The following AKT3 variants were observed in gnomAD, a reference collection of about 807,000 sequenced individuals.
AKT3 encodes the protein AKT serine/threonine kinase 3.
In AKT3, 15 loss-of-function variants were observed where a neutral mutation model predicts 65.3. That is an observed-to-expected ratio of 0.23 (90% confidence interval 0.15 to 0.35). The LOEUF is 0.35. AKT3 is among the 10% of genes least tolerant of loss of function. AKT3 has a pLI of 1.00. For synonymous variants in AKT3, 206 were observed against 183.8 expected (o/e 1.12, Z -0.98); for missense variants, 243 against 576.5 (o/e 0.42, Z 5.92).
rs1157582039 is a variant in AKT3 at position 243,505,158 on chromosome 1, T to C, written c.*91A>G. The C allele has an allele frequency of 8.1e-7, 1 of 1,230,992 alleles. No individual in the cohort carries two copies. Among genetic ancestry groups the C allele is most frequent in the Middle Eastern group, 1.9e-4 (1 of 5,318 alleles). 76.3% of individuals were successfully genotyped at this position (1,230,992 alleles called of 1,614,324 possible). On this transcript the variant is annotated 3_prime_UTR_variant, in exon 14 of 14. Coordinates refer to ENST00000673466, the MANE Select transcript of AKT3 (RefSeq NM_005465.7). ...GGTCTGGGATGTCGGAAGGTGCCCC[T>C]GCTATGTGTAAGAGCTAGGACTGGT...
Position 243,645,969 on chromosome 1 carries a change from T to G in AKT3, c.353A>C (p.Asn118Thr). ...ATCAATTTGTGAAGTTGGACTACAATTCATTCTCTCCTCTTCTTGCCTCTG... is the reference window on the plus strand; with the variant it reads ...ATCAATTTGTGAAGTTGGACTACAAGTCATTCTCTCCTCTTCTTGCCTCTG... ...RLQRQEEERM[N>T]CSPTSQIDNI... The change falls in exon 5 of 14, where the codon AAT becomes ACT. Residue 118 changes from asparagine (N) to threonine (T), a missense_variant. Physicochemically the swap from Asn to Thr is moderately conservative, Grantham distance 65. Around this residue, in one of 6 missense-constraint regions of AKT3, gnomAD observed 72 missense variants for 86.0 expected, o/e 0.84. Coordinates refer to ENST00000673466, the MANE Select transcript of AKT3 (RefSeq NM_005465.7). 2 of 1,612,938 alleles carry G rather than the reference T, an allele frequency of 1.2e-6. No individual in the cohort carries two copies. Among genetic ancestry groups the G allele is most frequent in the Non-Finnish European group, 1.7e-6 (2 of 1,179,024 alleles).
At chr1:243,799,094 T>C (rs1232789361) in intron 2 of AKT3, among the ~76,000 whole-genome samples, 4 of 152,182 alleles carry the variant, frequency 2.6e-5, no homozygotes, top group Non-Finnish European at 5.9e-5. Context: ...AGGCACTAGA[T>C]CCTCATTTAT....
chr1:243,818,130 T>TG (rs1338314392), intron 2 of AKT3: 1 of 152,234 alleles, frequency 6.6e-6, no homozygotes, highest in Admixed American at 6.5e-5. Flanking sequence ...AGTCAACCCC[T>TG]GCTTAGTCTG....
intron 12 of AKT3, among the ~76,000 whole-genome samples, chr1:243,515,805 A>G (rs1020049210): frequency 2.0e-5 from 3 of 152,174 alleles, no homozygotes; most frequent in South Asian, 2.1e-4. Flanking sequence ...CCTGGCTAAC[A>G]TGGGAAACCC....
At chr1:243,611,591 G>C (rs530559682) in intron 8 of AKT3, among the ~76,000 whole-genome samples, 2 of 152,114 alleles carry the variant, frequency 1.3e-5, no homozygotes, top group Non-Finnish European at 2.9e-5. Flanking sequence ...GGCTGTGATG[G>C]GAGGATAGCT....
At chr1:243,850,816 G>C (rs550312919), upstream of AKT3, among the ~76,000 whole-genome samples, 715 of 152,026 alleles carry the variant, frequency 4.7e-3, 5 homozygotes, top group African/African-American at 0.017. Context: ...TAGCCAGCCA[G>C]AGCCGGGAGC....
intron 2 of AKT3, among the ~76,000 whole-genome samples, chr1:243,731,839 T>C (rs1194077775): frequency 6.6e-6 from 1 of 152,196 alleles, no homozygotes; most frequent in African/African-American, 2.4e-5. Context: ...GATTATGATA[T>C]TGTACTTATA....
Position 243,505,326 on chromosome 1 carries a change from C to T in AKT3, c.1363G>A (p.Asp455Asn), listed in dbSNP as rs2148345643. ...TCATTGTCCATGCAGTCCATACCAT[C>T]CTCATCATCTGTGGGCAGGAAACAT... ...TITPPEKYDEDGMDCMDNERR... is the reference protein window; with the variant it reads ...TITPPEKYDENGMDCMDNERR... The change falls in exon 14 of 14, where the codon GAT becomes AAT. Residue 455 changes from aspartate to asparagine, a missense_variant. Asp to Asn is a conservative substitution (Grantham distance 23). Coordinates refer to ENST00000673466, the MANE Select transcript of AKT3 (RefSeq NM_005465.7). 1 of 1,613,846 alleles carries T rather than the reference C, an allele frequency of 6.2e-7. No homozygotes were observed. Among genetic ancestry groups the T allele is most frequent in the Non-Finnish European group, 8.5e-7 (1 of 1,179,832 alleles).
chr1:243,557,093 G>C (rs1394136292), intron 10 of AKT3, among the ~76,000 whole-genome samples: 1 of 152,032 alleles, frequency 6.6e-6, no homozygotes, highest in African/African-American at 2.4e-5. Flanking sequence ...GCAAACTCTG[G>C]CTAGCACAGG....
chr1:243,662,118 C>T (rs1387963122), intron 4 of AKT3, among the ~76,000 whole-genome samples: 1 of 151,780 alleles, frequency 6.6e-6, no homozygotes, highest in Non-Finnish European at 1.5e-5. Context: ...GGACTGTAAA[C>T]TAGTTCAACC....
intron 2 of AKT3, among the ~76,000 whole-genome samples, chr1:243,699,818 C>G (rs1257849906): frequency 6.6e-6 from 1 of 151,894 alleles, no homozygotes; most frequent in Non-Finnish European, 1.5e-5. Context: ...TAGGTAAGCC[C>G]TAAATCCAAT....
intron 2 of AKT3, among the ~76,000 whole-genome samples, chr1:243,726,488 A>G (rs1309955729): frequency 1.3e-5 from 2 of 152,232 alleles, no homozygotes; most frequent in Non-Finnish European, 2.9e-5. Flanking sequence ...GTTGTTTGGT[A>G]ATATTTAAGT....
At position 243,571,374 on chromosome 1, in the gene AKT3, A is replaced by G. The variant is rs142228402; in HGVS notation, c.819+1552T>C. On this transcript the variant is annotated intron_variant, in intron 9 of 13. Transcript: ENST00000673466. Reference sequence around the variant, plus strand: ...TTCATTTGATGAGAAATGATTAAAGAAGAAATACTGACCAAGACCATAATC... The same window carrying G: ...TTCATTTGATGAGAAATGATTAAAGGAGAAATACTGACCAAGACCATAATC... Among the ~76,000 whole-genome samples, 110 of 152,344 alleles carry G rather than the reference A, an allele frequency of 7.2e-4. 1 individual carries two copies. The highest frequency in any genetic ancestry group is 1.2e-3 in the Non-Finnish European group (84 of 68,022).
At chr1:243,636,146 C>T (rs1166158128) in intron 6 of AKT3, among the ~76,000 whole-genome samples, 3 of 151,960 alleles carry the variant, frequency 2.0e-5, no homozygotes, top group Admixed American at 6.6e-5. Flanking sequence ...TAGATATTTA[C>T]TGATGCTTGA....
chr1:243,555,441 C>T (rs1471371964), intron 10 of AKT3, among the ~76,000 whole-genome samples: 3 of 152,124 alleles, frequency 2.0e-5, no homozygotes, highest in Non-Finnish European at 4.4e-5. Flanking sequence ...CTTTCAAATA[C>T]TCTGGAAATC....
chr1:243,590,448 C>A (rs765045335), intron 8 of AKT3, among the ~76,000 whole-genome samples: 3 of 151,214 alleles, frequency 2.0e-5, no homozygotes, highest in Non-Finnish European at 4.4e-5. Flanking sequence ...GATTTAGCAT[C>A]CAATCAACGT....
intron 12 of AKT3, among the ~76,000 whole-genome samples, chr1:243,518,579 C>T (rs1439413467): frequency 6.6e-6 from 1 of 152,128 alleles, no homozygotes; most frequent in East Asian, 1.9e-4. Context: ...GAGCCGAGAT[C>T]ATGCCATTGC....
At chr1:243,635,023 C>A (rs1679876694) in intron 6 of AKT3, among the ~76,000 whole-genome samples, 1 of 151,948 alleles carries the variant, frequency 6.6e-6, no homozygotes, top group African/African-American at 2.4e-5. Context: ...AATCTACAGT[C>A]TTTTCAAGTG....
chr1:243,758,303 G>A (rs1689269204), intron 2 of AKT3, among the ~76,000 whole-genome samples: 1 of 152,158 alleles, frequency 6.6e-6, no homozygotes. Flanking sequence ...GAAGACTAAA[G>A]TAACCAAGGG....
Sources: gnomAD v4.1 joint callset for allele counts (sites outside exome capture counted in the v4.1 genomes callset) on GRCh38, gnomAD v4.1.1 for gene constraint, gnomAD v4.1.1 regional missense constraint, MANE v1.5 for transcripts, NCBI Gene and HGNC (gene_info 2026-07-23, HGNC 2026-07-21) for gene names.